PRDM5: variants seen among roughly 807,000 people sequenced by gnomAD.
PRDM5 encodes the protein PR/SET domain 5.
In PRDM5, 56 loss-of-function variants were observed where a neutral mutation model predicts 81.2. That is an observed-to-expected ratio of 0.69 (90% CI 0.56 to 0.86). The LOEUF is 0.86. Ranked by LOEUF, PRDM5 falls within the 40% of genes least tolerant of loss-of-function variation. The pLI is 0.00. For synonymous variants in PRDM5, 267 were observed against 256.4 expected, an observed-to-expected ratio of 1.04 and a Z score of -0.39; for missense variants, 697 against 770.1, an observed-to-expected ratio of 0.91 and a Z score of 1.12.
intron 2 of PRDM5, among the ~76,000 whole-genome samples, chr4:120,905,937 A>G (rs531774798): frequency 6.6e-6 from 1 of 152,030 alleles, no homozygotes; most frequent in South Asian, 2.1e-4. Context: ...TTATAATACT[A>G]TATTTTTATT....
At chr4:120,881,582 C>A (rs181103120) in intron 2 of PRDM5, among the ~76,000 whole-genome samples, 1 of 152,244 alleles carries the variant, frequency 6.6e-6, no homozygotes, top group East Asian at 1.9e-4. Context: ...GCCAGAGCAC[C>A]ATTCTCTATG....
At chr4:120,857,422 T>C (rs1292151075) in intron 2 of PRDM5, among the ~76,000 whole-genome samples, 1 of 152,188 alleles carries the variant, frequency 6.6e-6, no homozygotes, top group African/African-American at 2.4e-5. Context: ...AAAACTTTTA[T>C]GCTTCAATAT....
In PRDM5 at chr4:120,695,294, C is replaced by T. The variant is rs754339444; in HGVS notation, c.1729-19G>A. 7.4e-6 allele frequency: 12 copies of T among 1,612,660 alleles called. No individual in the cohort carries two copies. The highest frequency in any genetic ancestry group is 1.0e-5 in the Non-Finnish European group (12 of 1,179,286). ...CACAAACCTAGAAAAGACCCAAAGACCAACCATATTATACTGAAATAAACA... is the reference window on the plus strand; with the variant it reads ...CACAAACCTAGAAAAGACCCAAAGATCAACCATATTATACTGAAATAAACA... On this transcript the variant is annotated intron_variant, in intron 15 of 15. Coordinates refer to ENST00000264808, the MANE Select transcript of PRDM5 (RefSeq NM_018699.4).
intron 13 of PRDM5, among the ~76,000 whole-genome samples, chr4:120,763,993 C>T (rs1457254739): frequency 6.7e-6 from 1 of 149,372 alleles, no homozygotes; most frequent in Non-Finnish European, 1.5e-5. Context: ...TGCCGATTTG[C>T]AGAAAAACAA....
intron 15 of PRDM5, among the ~76,000 whole-genome samples, chr4:120,707,192 A>C (rs1478136515): frequency 1.3e-5 from 2 of 152,140 alleles, no homozygotes; most frequent in Non-Finnish European, 2.9e-5. Context: ...CAAGCAAAAT[A>C]CTAACTGAAT....
At chr4:120,743,621 G>T (rs374669344) in intron 14 of PRDM5, among the ~76,000 whole-genome samples, 4 of 100,034 alleles carry the variant, frequency 4.0e-5, no homozygotes, top group African/African-American at 1.6e-4. Flanking sequence ...AAAGGCAGGG[G>T]TTGCAATCCT....
At chr4:120,756,574 G>A (rs903289584) in intron 13 of PRDM5, among the ~76,000 whole-genome samples, 1 of 152,178 alleles carries the variant, frequency 6.6e-6, no homozygotes, top group African/African-American at 2.4e-5. Context: ...AGTACAGCAG[G>A]AGCTATCATT....
intron 10 of PRDM5, among the ~76,000 whole-genome samples, chr4:120,789,932 C>G (rs950735634): frequency 3.3e-5 from 5 of 152,194 alleles, no homozygotes; most frequent in Admixed American, 2.0e-4. Context: ...AGCCACAATT[C>G]CATCAGTACA....
intron 3 of PRDM5, among the ~76,000 whole-genome samples, chr4:120,847,839 C>T (rs1359357900): frequency 1.3e-5 from 2 of 152,072 alleles, no homozygotes; most frequent in South Asian, 2.1e-4. Flanking sequence ...TGTTTTACCG[C>T]TGGGTGAGAC....
chr4:120,770,464 CTTTT>C (rs10610024), intron 13 of PRDM5, among the ~76,000 whole-genome samples: 4 of 146,692 alleles, frequency 2.7e-5, no homozygotes, highest in African/African-American at 5.0e-5. Flanking sequence ...TCTCATTTCT[CTTTT>C]TTTTTTTTTT....
At position 120,799,681 on chromosome 4, in the gene PRDM5, C is replaced by T. The variant is rs140554156; in HGVS notation, c.1010G>A (p.Arg337His). ...TTTACCTGAGTGGGTGATCATATGA[C>T]GTTTTAGCTGATTAGCTGAAATAAA... is the stretch of plus-strand genomic sequence containing the variant. Reference protein sequence around the residue: ...KKFISANQLKRHMITHSEKRP... With the variant: ...KKFISANQLKHHMITHSEKRP... Residue 337 changes from arginine (R) to histidine (H), a missense_variant, in exon 9 of 16, where the codon CGT becomes CAT. By Grantham distance (29) the Arg-to-His change is conservative (BLOSUM62 0). Coordinates refer to ENST00000264808, the MANE Select transcript of PRDM5 (RefSeq NM_018699.4). The T allele has an allele frequency of 1.9e-5, 31 of 1,612,512 alleles. No homozygotes were observed. The highest frequency in any genetic ancestry group is 1.8e-4 in the Middle Eastern group (1 of 5,464).
At chr4:120,719,481 T>G (rs1738272608) in intron 14 of PRDM5, among the ~76,000 whole-genome samples, 1 of 152,214 alleles carries the variant, frequency 6.6e-6, no homozygotes, top group African/African-American at 2.4e-5. Context: ...GGGCTGCCAC[T>G]GGTCTGCGAG....
chr4:120,912,021 G>C (rs779106112), intron 1 of PRDM5, among the ~76,000 whole-genome samples: 3 of 152,092 alleles, frequency 2.0e-5, no homozygotes, highest in Non-Finnish European at 4.4e-5. Flanking sequence ...CTTTACAGGA[G>C]AATGCTAACT....
At chr4:120,811,895 T>G (rs948908554) in intron 7 of PRDM5, among the ~76,000 whole-genome samples, 1 of 152,070 alleles carries the variant, frequency 6.6e-6, no homozygotes, top group Non-Finnish European at 1.5e-5. Context: ...CCAATTCTAT[T>G]CTTTTATTTT....
intron 3 of PRDM5, among the ~76,000 whole-genome samples, chr4:120,833,713 G>A (rs1393374504): frequency 6.6e-6 from 1 of 152,134 alleles, no homozygotes; most frequent in East Asian, 1.9e-4. Flanking sequence ...GACAGGAACA[G>A]AAATGTGTTT....
chr4:120,907,361 T>C (rs1385195750), intron 2 of PRDM5, 113 bp downstream of exon 2: 5 of 900,346 alleles, frequency 5.6e-6, no homozygotes, highest in East Asian at 5.3e-5. Context: ...ACCTAAAACA[T>C]TTCAATACTT....
At chr4:120,841,353 G>C (rs1363875032) in intron 3 of PRDM5, among the ~76,000 whole-genome samples, 1 of 152,176 alleles carries the variant, frequency 6.6e-6, no homozygotes, top group East Asian at 1.9e-4. Context: ...TTGCTCAACA[G>C]TGGCTGAACC....
chr4:120,843,851 A>G (rs1012454909), intron 3 of PRDM5, among the ~76,000 whole-genome samples: 8 of 152,202 alleles, frequency 5.3e-5, no homozygotes, highest in Non-Finnish European at 8.8e-5. Flanking sequence ...TAAAGATCTC[A>G]GCACACAGTA....
intron 14 of PRDM5, among the ~76,000 whole-genome samples, chr4:120,741,935 G>A (rs1051328144): frequency 1.3e-5 from 2 of 152,218 alleles, no homozygotes; most frequent in African/African-American, 4.8e-5. Context: ...CACAGCTCAA[G>A]GAGGCCTGCC....
Sources: allele counts gnomAD v4.1 joint callset (sites outside exome capture counted in the v4.1 genomes callset), GRCh38; gene constraint gnomAD v4.1.1; transcripts MANE v1.5; gene names NCBI Gene and HGNC (gene_info 2026-07-23, HGNC 2026-07-21).